The following SPATA13 variants were observed in gnomAD, a reference collection of about 807,000 sequenced individuals.
The protein encoded by SPATA13 is spermatogenesis-associated protein 13.
Under a neutral mutation model 104.0 loss-of-function variants are expected in SPATA13, and 50 were observed. The observed-to-expected ratio is 0.48, with a 90% CI of 0.38 to 0.61. The LOEUF (loss-of-function observed/expected upper bound fraction) is 0.61. Among genes scored for constraint, SPATA13 ranks in the 20% least tolerant of loss-of-function variants. The probability of loss-of-function intolerance (pLI) is 0.00; values close to 1 mark genes in which losing one functional copy is unlikely to be tolerated. For missense variants in SPATA13, 1,524 were observed against 1,690.6 expected, an observed-to-expected ratio of 0.90 and a Z score of 1.73; for synonymous variants, 606 against 667.5, an observed-to-expected ratio of 0.91 and a Z score of 1.42.
At chr13:24,049,530 T>C (rs1334620595) in intron 3 of SPATA13, among the ~76,000 whole-genome samples, 1 of 152,144 alleles carries the variant, frequency 6.6e-6, no homozygotes, top group Non-Finnish European at 1.5e-5. Context: ...AAGAAATGCA[T>C]GACTAGACCT....
Position 24,304,513 on chromosome 13 carries a change from G to A in SPATA13, c.*1740G>A, listed in dbSNP as rs1418916907. 1 of 152,048 alleles carries A rather than the reference G, an allele frequency of 6.6e-6. No individual in the cohort carries two copies. The highest frequency in any genetic ancestry group is 1.5e-5 in the Non-Finnish European group (1 of 68,014). 9.4% of individuals were successfully genotyped at this position (152,048 alleles called of 1,614,324 possible). On this transcript the variant is annotated 3_prime_UTR_variant, in exon 13 of 13. Transcript: ENST00000382108. ...GAGAATAAACAAGTCTGTGATGTCA[G>A]AGACAAAGGTGTATTCTTCAGTCTG...
chr13:24,218,127 C>T (rs1474004698), intron 1 of SPATA13, among the ~76,000 whole-genome samples: 1 of 152,184 alleles, frequency 6.6e-6, no homozygotes, highest in Non-Finnish European at 1.5e-5. Flanking sequence ...CCACAGGCAG[C>T]CAGTGACCCT....
chr13:24,206,496 C>G (rs1271865931), intron 1 of SPATA13, among the ~76,000 whole-genome samples: 2 of 152,308 alleles, frequency 1.3e-5, no homozygotes, highest in East Asian at 3.9e-4. Context: ...TTGTGGAAAA[C>G]AGTGTGGTGA....
At chr13:24,171,981 G>A (rs976607957) in intron 1 of SPATA13, among the ~76,000 whole-genome samples, 6 of 152,036 alleles carry the variant, frequency 3.9e-5, no homozygotes, top group Admixed American at 6.6e-5. Flanking sequence ...CAGATTCTCC[G>A]AATGATGACA....
intron 2 of SPATA13, among the ~76,000 whole-genome samples, chr13:24,002,973 G>C (rs1876050741): frequency 6.6e-6 from 1 of 152,204 alleles, no homozygotes; most frequent in Admixed American, 6.5e-5. Context: ...GGTGAACAGA[G>C]AAAATTGCCA....
chr13:24,214,962 C>T lies in SPATA13; in HGVS notation c.-111-7857C>T, dbSNP rs117623643. The stretch of plus-strand genomic sequence containing the variant: ...CACTGAGCATCTGACATATTTAAAA[C>T]ATTATTAAGCTGTGTCAAAGGAGCC... On this transcript the variant is annotated intron_variant, in intron 1 of 12. Transcript: ENST00000382108. Among the ~76,000 whole-genome samples, 11 of 152,326 alleles carry T rather than the reference C, an allele frequency of 7.2e-5. No individual in the cohort carries two copies. The East Asian group carries it at 2.1e-3, about 29-fold the overall frequency.
intron 2 of SPATA13, among the ~76,000 whole-genome samples, chr13:24,238,132 CTTTTTTT>C (rs66810619): frequency 1.3e-5 from 1 of 77,154 alleles, no homozygotes; most frequent in Non-Finnish European, 2.4e-5. Flanking sequence ...TTCTTCTTGA[CTTTTTTT>C]TTTTTTTTTT....
At chr13:24,212,614 C>T (rs1280891185) in intron 1 of SPATA13, among the ~76,000 whole-genome samples, 2 of 152,094 alleles carry the variant, frequency 1.3e-5, no homozygotes, top group Non-Finnish European at 2.9e-5. Context: ...AACCAGCAGA[C>T]TTTGACAGGT....
At position 24,161,736 on chromosome 13, in the gene SPATA13, T is replaced by C. The variant is rs1882503268; in HGVS notation, c.-112+804T>C. Reference sequence around the variant, plus strand: ...AGCAAACAAAACCCTGTGGGTCATTTGCTTCCCAGCATTGCATAGGGATGT... The same window carrying C: ...AGCAAACAAAACCCTGTGGGTCATTCGCTTCCCAGCATTGCATAGGGATGT... On this transcript the variant is annotated intron_variant, in intron 1 of 12. Transcript: ENST00000382108. This position sits in a 1 kb window ranked among gnomAD's most constrained non-coding sequence, Gnocchi z 4.5. Among the ~76,000 whole-genome samples, 1 of 152,348 alleles carries C rather than the reference T, an allele frequency of 6.6e-6. No individual in the cohort carries two copies. Among genetic ancestry groups the C allele is most frequent in the Non-Finnish European group, 1.5e-5 (1 of 68,028 alleles).
intron 2 of SPATA13, 127 bp downstream of exon 2, chr13:24,224,709 G>A (rs1232792904): frequency 1.0e-6 from 1 of 955,286 alleles, no homozygotes; most frequent in Non-Finnish European, 1.6e-6. Flanking sequence ...TGCCCTTACA[G>A]TATTAGTGGG....
At chr13:24,281,239 C>T (rs1306408776) in intron 4 of SPATA13, among the ~76,000 whole-genome samples, 1 of 152,228 alleles carries the variant, frequency 6.6e-6, no homozygotes, top group Admixed American at 6.5e-5. Flanking sequence ...GAATTTACTC[C>T]TCCCCCTCCA....
intron 2 of SPATA13, among the ~76,000 whole-genome samples, chr13:24,231,731 G>T (rs536869331): frequency 3.2e-4 from 49 of 152,338 alleles, no homozygotes; most frequent in African/African-American, 1.1e-3. Flanking sequence ...CATTGTATAA[G>T]GGTTCCAATT....
rs565950952 is a variant in SPATA13, at chr13:24,031,638, T to C, written c.-112+13937T>C. 2.6e-4 allele frequency among the ~76,000 whole-genome samples: 40 copies of C among 152,322 alleles called. 1 individual carries two copies. Among genetic ancestry groups the C allele is most frequent in the Admixed American group, 7.2e-4 (11 of 15,296 alleles). On this transcript the variant is annotated intron_variant, in intron 3 of 14. Coordinates refer to the SPATA13 transcript ENST00000424834. ...GAATAGGTCAAACAATGAACATACA[T>C]TGAGCTTATGTCAGGCACTGTAGAT...
chr13:24,126,283 A>G (rs1481033846), intron 3 of SPATA13, among the ~76,000 whole-genome samples: 1 of 152,244 alleles, frequency 6.6e-6, no homozygotes, highest in East Asian at 1.9e-4. Flanking sequence ...GGTGGGGTAC[A>G]GCCTAAGGCC....
In SPATA13 at chr13:24,284,951, C is replaced by T. The variant is rs377037699; in HGVS notation, c.2301+680C>T. 4.9e-3 allele frequency among the ~76,000 whole-genome samples: 748 copies of T among 152,294 alleles called. 7 individuals are homozygous for T. The highest frequency in any genetic ancestry group is 0.017 in the African/African-American group (720 of 41,564). On this transcript the variant is annotated intron_variant, in intron 5 of 12. Transcript: ENST00000382108. Reference sequence around the variant, plus strand: ...GGCTGGCGAATGGCAGAGCTGGAGGCACCCATGTATTTCTCCCTCCAAATC... The same window carrying T: ...GGCTGGCGAATGGCAGAGCTGGAGGTACCCATGTATTTCTCCCTCCAAATC...
At chr13:24,292,764 G>A (rs1308678678) in intron 9 of SPATA13, among the ~76,000 whole-genome samples, 12 of 152,018 alleles carry the variant, frequency 7.9e-5, no homozygotes, top group Admixed American at 1.3e-4. Flanking sequence ...TTGGGAGGCC[G>A]AAACGGGTGG....
chr13:24,159,501 C>T (rs1882379094), upstream of SPATA13, among the ~76,000 whole-genome samples: 1 of 151,982 alleles, frequency 6.6e-6, no homozygotes, highest in African/African-American at 2.4e-5. Flanking sequence ...TCCCTCACGC[C>T]CCTCCCTCCA....
At chr13:24,195,856 A>G (rs1231132345) in intron 1 of SPATA13, among the ~76,000 whole-genome samples, 1 of 152,166 alleles carries the variant, frequency 6.6e-6, no homozygotes, top group Non-Finnish European at 1.5e-5. Flanking sequence ...TTTAAGGGGG[A>G]AAGATGATTT....
chr13:24,243,756 T>C (rs1010505366), intron 2 of SPATA13, among the ~76,000 whole-genome samples: 43 of 152,190 alleles, frequency 2.8e-4, no homozygotes, highest in African/African-American at 9.9e-4. Flanking sequence ...GGTGTATTCC[T>C]TCTCACCTTG....
Sources: gnomAD v4.1 joint callset for allele counts (sites outside exome capture counted in the v4.1 genomes callset) on GRCh38, gnomAD v4.1.1 for gene constraint, Gnocchi (gnomAD v3.1) non-coding constraint, MANE v1.5 for transcripts, NCBI Gene and HGNC (gene_info 2026-07-23, HGNC 2026-07-21) for gene names.